The following RAPGEF4 variants were observed in gnomAD, a reference collection of about 807,000 sequenced individuals.
RAPGEF4 encodes the protein RAP guanine-nucleotide-exchange factor (GEF) 4.
A neutral mutation model predicts 147.9 loss-of-function variants in RAPGEF4; 66 were observed. The observed-to-expected ratio is 0.45, with a 90% CI of 0.37 to 0.55. The LOEUF is 0.55. RAPGEF4 is among the 20% of genes least tolerant of loss of function. RAPGEF4 has a pLI of 0.00. For missense variants in RAPGEF4, 1,071 were observed against 1,257.3 expected (o/e 0.85, Z 2.24); for synonymous variants, 419 against 442.7 (o/e 0.95, Z 0.67).
intron 1 of RAPGEF4, among the ~76,000 whole-genome samples, chr2:172,739,043 C>G (rs1380222400): frequency 6.6e-6 from 1 of 152,158 alleles, no homozygotes; most frequent in African/African-American, 2.4e-5. Flanking sequence ...ATTAAAGAAA[C>G]AAAATCTATA....
intron 10 of RAPGEF4, among the ~76,000 whole-genome samples, chr2:172,971,016 T>C (rs1490579113): frequency 6.6e-6 from 1 of 152,188 alleles, no homozygotes. Context: ...GCTTATTGTT[T>C]TGATTTTGCT....
chr2:173,025,811 G>A (rs754224290), intron 23 of RAPGEF4, among the ~76,000 whole-genome samples: 20 of 152,156 alleles, frequency 1.3e-4, no homozygotes, highest in East Asian at 1.9e-4. Flanking sequence ...TGCATTATAC[G>A]TGTGCTTCCT....
intron 29 of RAPGEF4, among the ~76,000 whole-genome samples, chr2:173,037,330 C>T (rs1365529513): frequency 6.6e-6 from 1 of 152,192 alleles, no homozygotes; most frequent in Admixed American, 6.5e-5. Flanking sequence ...AAGCGCTCTT[C>T]CTGCCTCAGC....
chr2:172,944,480 G>A (rs1033382459), intron 6 of RAPGEF4, among the ~76,000 whole-genome samples: 16 of 152,166 alleles, frequency 1.1e-4, no homozygotes, highest in African/African-American at 3.6e-4. Context: ...CTGTGTCCTA[G>A]CACAGCGAGT....
At chr2:172,887,563 A>C (rs928260400) in intron 4 of RAPGEF4, among the ~76,000 whole-genome samples, 1 of 152,156 alleles carries the variant, frequency 6.6e-6, no homozygotes, top group African/African-American at 2.4e-5. Context: ...TCGTTTATTC[A>C]TATATCGTTT....
At chr2:172,825,633 T>G (rs1689588259) in intron 4 of RAPGEF4, among the ~76,000 whole-genome samples, 2 of 152,238 alleles carry the variant, frequency 1.3e-5, no homozygotes, top group Non-Finnish European at 2.9e-5. Context: ...TTTATATGAT[T>G]GAGACATTAA....
In RAPGEF4 at chr2:172,758,622, G is replaced by A. The variant is rs1696004797; in HGVS notation, c.65+22574G>A. Among the ~76,000 whole-genome samples the A allele has an allele frequency of 1.3e-5, 2 of 152,162 alleles. 1 individual carries two copies. The highest frequency in any genetic ancestry group is 1.3e-4 in the Admixed American group (2 of 15,276). On this transcript the variant is annotated intron_variant, in intron 1 of 30. Transcript: ENST00000397081. ...TTTGGAGGTAGAACCAATAGGACAT[G>A]CTTATGAATTGAATGTGGAAGTGTA...
intron 6 of RAPGEF4, among the ~76,000 whole-genome samples, chr2:172,933,696 T>C (rs373856946): frequency 1.2e-4 from 19 of 152,344 alleles, no homozygotes; most frequent in South Asian, 1.2e-3. Flanking sequence ...GCCCCTATTA[T>C]ATGTTATATA....
chr2:173,051,723 A>G lies in RAPGEF4; in HGVS notation c.2992A>G (p.Thr998Ala). Residue 998 changes from threonine to alanine, a missense_variant, in exon 31 of 31, where the codon ACT becomes GCT. By Grantham distance (58) the Thr-to-Ala change is moderately conservative. Coordinates refer to ENST00000397081, the MANE Select transcript of RAPGEF4 (RefSeq NM_007023.4). ...ATTAAATGTGATTGACAACCAGAGAACTTTATCACAGATGTCACACAGATT... is the reference window on the plus strand; with the variant it reads ...ATTAAATGTGATTGACAACCAGAGAGCTTTATCACAGATGTCACACAGATT... Reference protein sequence around the residue: ...RQLNVIDNQRTLSQMSHRLEP... With the variant: ...RQLNVIDNQRALSQMSHRLEP... 1 of 1,614,074 alleles carries G rather than the reference A, an allele frequency of 6.2e-7. No individual in the cohort carries two copies. Among genetic ancestry groups the G allele is most frequent in the East Asian group, 2.2e-5 (1 of 44,872 alleles).
chr2:172,836,416 G>A (rs566339843), intron 4 of RAPGEF4, among the ~76,000 whole-genome samples: 3 of 152,334 alleles, frequency 2.0e-5, no homozygotes, highest in East Asian at 1.9e-4. Flanking sequence ...GGTGTGTGAC[G>A]TCTCAGTTGT....
intron 18 of RAPGEF4, among the ~76,000 whole-genome samples, chr2:173,015,795 A>G (rs1695459118): frequency 6.6e-6 from 1 of 152,216 alleles, no homozygotes; most frequent in Non-Finnish European, 1.5e-5. Context: ...TAAATTCGCT[A>G]CAGTGCTGAA....
intron 4 of RAPGEF4, among the ~76,000 whole-genome samples, chr2:172,915,564 T>A (rs1024137118): frequency 1.3e-5 from 2 of 150,678 alleles, no homozygotes; most frequent in Admixed American, 6.6e-5. Context: ...CCAGGCATGG[T>A]GGTGTGTGTC....
chr2:172,858,451 G>A (rs939592688), intron 4 of RAPGEF4, among the ~76,000 whole-genome samples: 3 of 152,120 alleles, frequency 2.0e-5, no homozygotes, highest in East Asian at 3.9e-4. Context: ...ACCAGTGCTC[G>A]GATACCATAC....
chr2:172,755,326 C>T (rs1468553780), intron 1 of RAPGEF4, among the ~76,000 whole-genome samples: 2 of 152,060 alleles, frequency 1.3e-5, no homozygotes, highest in African/African-American at 4.8e-5. Context: ...AAATTCAGCC[C>T]CTTGAGATTT....
intron 25 of RAPGEF4, among the ~76,000 whole-genome samples, chr2:173,027,972 C>G (rs1012707613): frequency 3.3e-5 from 5 of 152,144 alleles, no homozygotes; most frequent in African/African-American, 1.2e-4. Context: ...GACTTCTTTC[C>G]TTTCTAAATG....
At chr2:172,802,140 C>T (rs1574885326) in intron 3 of RAPGEF4, among the ~76,000 whole-genome samples, 1 of 152,232 alleles carries the variant, frequency 6.6e-6, no homozygotes, top group East Asian at 1.9e-4. Context: ...AAGAGGTGGA[C>T]AGTGATGCTA....
At chr2:173,022,686 T>C (rs1696226746) in intron 23 of RAPGEF4, among the ~76,000 whole-genome samples, 1 of 152,198 alleles carries the variant, frequency 6.6e-6, no homozygotes, top group Non-Finnish European at 1.5e-5. Context: ...GCAGTTACGC[T>C]AAAGCCAGAG....
intron 5 of RAPGEF4, among the ~76,000 whole-genome samples, chr2:172,919,135 C>G (rs527384250): frequency 3.5e-4 from 54 of 152,214 alleles, no homozygotes; most frequent in African/African-American, 1.2e-3. Context: ...ATTAAAGCAC[C>G]TGAGTTGCAA....
chr2:172,915,160 C>T (rs1683924808), intron 4 of RAPGEF4, among the ~76,000 whole-genome samples: 1 of 152,168 alleles, frequency 6.6e-6, no homozygotes, highest in Non-Finnish European at 1.5e-5. Flanking sequence ...AATATTTCAA[C>T]CCTAATTTGG....
Sources: gnomAD v4.1 joint callset for allele counts (sites outside exome capture counted in the v4.1 genomes callset) on GRCh38, gnomAD v4.1.1 for gene constraint, MANE v1.5 for transcripts, NCBI Gene and HGNC (gene_info 2026-07-23, HGNC 2026-07-21) for gene names.